DDX60: variants seen among roughly 807,000 people sequenced by gnomAD.
DDX60 encodes the protein probable ATP-dependent RNA helicase DDX60.
DDX60 carries 165 observed loss-of-function variants against 212.8 expected under a neutral mutation model. That is an observed-to-expected ratio of 0.78 (90% CI 0.68 to 0.88). The LOEUF (loss-of-function observed/expected upper bound fraction) is 0.88, where lower values mean the gene tolerates loss of function less well. Among genes scored for constraint, DDX60 ranks in the 40% least tolerant of loss-of-function variants. The pLI is 0.00. For missense variants in DDX60, 1,905 were observed against 2,003.9 expected (o/e 0.95, Z 0.94); for synonymous variants, 703 against 685.3 (o/e 1.03, Z -0.40).
At chr4:168,324,646 C>T in the DDX60 span, among the ~76,000 whole-genome samples, 2 of 152,220 alleles carry the variant, frequency 1.3e-5, no homozygotes, top group South Asian at 4.1e-4. Flanking sequence ...CTCATCTTGA[C>T]AGCATCAGAG....
chr4:168,319,020 G>T (rs767884056), upstream of DDX60, among the ~76,000 whole-genome samples: 14 of 152,158 alleles, frequency 9.2e-5, no homozygotes, highest in Non-Finnish European at 1.3e-4. Context: ...TAACAATAAT[G>T]CATATTTCAA....
chr4:168,277,557 G>A (rs1326355585), intron 14 of DDX60, among the ~76,000 whole-genome samples: 1 of 152,050 alleles, frequency 6.6e-6, no homozygotes, highest in Admixed American at 6.5e-5. Flanking sequence ...AAAATTCCAG[G>A]CCGGGCGCAG....
rs1733165970 is a variant in DDX60 at position 168,224,226 on chromosome 4, C to A, written c.4824+17G>T. ...TTCTTAAACAGCTTTTATTAATAAA[C>A]CCCACTCTTCACTTACATGGTTTGG... On this transcript the variant is annotated intron_variant, in intron 35 of 37. Transcript: ENST00000393743. 1 of 1,611,090 alleles carries A rather than the reference C, an allele frequency of 6.2e-7. No homozygotes were observed. The highest frequency in any genetic ancestry group is 1.3e-5 in the African/African-American group (1 of 74,772).
intron 24 of DDX60, among the ~76,000 whole-genome samples, 194 bp downstream of exon 24, chr4:168,261,806 A>T (rs927054350): frequency 5.3e-5 from 8 of 152,208 alleles, no homozygotes; most frequent in African/African-American, 1.9e-4. Context: ...GGTTCAGAAG[A>T]CACTGAGGAT....
At chr4:168,313,876 G>C (rs1018943944) in intron 1 of DDX60, among the ~76,000 whole-genome samples, 1 of 152,202 alleles carries the variant, frequency 6.6e-6, no homozygotes, top group Non-Finnish European at 1.5e-5. Flanking sequence ...GAATAATATA[G>C]TTTTTATAAT....
At chr4:168,245,111 A>G (rs1733978802) in intron 30 of DDX60, among the ~76,000 whole-genome samples, 1 of 152,228 alleles carries the variant, frequency 6.6e-6, no homozygotes, top group Non-Finnish European at 1.5e-5. Flanking sequence ...ATTTCACCGC[A>G]ATAAATAAAA....
chr4:168,237,532 T>A, intron 31 of DDX60, 105 bp from the exon 32 acceptor site: 3 of 1,237,762 alleles, frequency 2.4e-6, no homozygotes, highest in Non-Finnish European at 3.3e-6. Context: ...ATAAGAAATA[T>A]TTATAACTAT....
At chr4:168,277,822 GA>G (rs530939598) in intron 14 of DDX60, among the ~76,000 whole-genome samples, 10,083 of 118,714 alleles carry the variant, frequency 0.085, 413 homozygotes, top group East Asian at 0.16. Flanking sequence ...AAAAAAAAAA[GA>G]AAAAAAAAAA....
chr4:168,324,017 C>A, the DDX60 span, among the ~76,000 whole-genome samples: 1 of 152,198 alleles, frequency 6.6e-6, no homozygotes, highest in African/African-American at 2.4e-5. Flanking sequence ...ATCCCAGAGG[C>A]TCCCCAGGTA....
chr4:168,234,294 C>A (rs1275928801), intron 33 of DDX60, among the ~76,000 whole-genome samples: 1 of 151,986 alleles, frequency 6.6e-6, no homozygotes, highest in Non-Finnish European at 1.5e-5. Context: ...GAATACTCTT[C>A]AGCCATTTTT....
chr4:168,225,412 C>T, intron 34 of DDX60, 117 bp downstream of exon 34: 3 of 1,110,466 alleles, frequency 2.7e-6, no homozygotes, highest in Non-Finnish European at 3.8e-6. Context: ...AAGGAATCTC[C>T]TCACTTGAGG....
At chr4:168,292,052 T>TCC (rs1553970656) in intron 7 of DDX60, 146 bp from the exon 8 acceptor site, 73 of 404,380 alleles carry the variant, frequency 1.8e-4, no homozygotes, top group South Asian at 2.7e-4. Flanking sequence ...TTTCTTTCTT[T>TCC]TTTTTTTTTT....
intron 30 of DDX60, among the ~76,000 whole-genome samples, chr4:168,243,946 G>C (rs1733937066): frequency 6.6e-6 from 1 of 152,032 alleles, no homozygotes; most frequent in Non-Finnish European, 1.5e-5. Flanking sequence ...GAGATCATGT[G>C]CTTTGTTGGG....
At position 168,285,761 on chromosome 4, in the gene DDX60, G is replaced by A. The variant is rs1394121473; in HGVS notation, c.1340-263C>T. On this transcript the variant is annotated intron_variant, in intron 10 of 37. Coordinates refer to ENST00000393743, the MANE Select transcript of DDX60 (RefSeq NM_017631.6). ...GTGGGTGGATATGCATGGGGGATGG[G>A]TGGGTGAATGGATGCATGGATGGGT... is the stretch of plus-strand genomic sequence containing the variant. Among the ~76,000 whole-genome samples, 3 of 151,426 alleles carry A rather than the reference G, an allele frequency of 2.0e-5. No homozygotes were observed. The East Asian group carries it at 5.8e-4, about 29-fold the overall frequency.
chr4:168,228,079 CAT>C (rs979242350), intron 33 of DDX60, among the ~76,000 whole-genome samples: 44 of 152,216 alleles, frequency 2.9e-4, no homozygotes, highest in African/African-American at 1.0e-3. Flanking sequence ...ACCTAGATCA[CAT>C]TACCTAGGCT....
At chr4:168,267,474 G>T in intron 22 of DDX60, 108 bp downstream of exon 22, 1 of 469,122 alleles carries the variant, frequency 2.1e-6, no homozygotes, top group Non-Finnish European at 3.6e-6. Flanking sequence ...CTGTAATTCT[G>T]TAATTCTATT....
At chr4:168,285,999 A>G (rs1320536305) in intron 10 of DDX60, among the ~76,000 whole-genome samples, 2 of 127,214 alleles carry the variant, frequency 1.6e-5, no homozygotes, top group South Asian at 2.7e-4. Flanking sequence ...AGAAAGAAAG[A>G]AAGGAGGGAG....
chr4:168,262,748 G>A lies in DDX60; in HGVS notation c.3079C>T (p.Pro1027Ser), dbSNP rs1459680987. Residue 1027 changes from proline (P) to serine (S), a missense_variant, in exon 23 of 38, where the codon CCT (proline) becomes TCT (serine). Pro to Ser is a moderately conservative substitution (Grantham distance 74, BLOSUM62 -1). Transcript: ENST00000393743. ...TCATACAGCTGGATGCTTTCTCGAG[G>A]TGAAAGGGTAAGATCAGGAGGGAAT... ...YGFPPDLTLS[P>S]RESIQLYDAM... The A allele has an allele frequency of 1.9e-6, 3 of 1,612,412 alleles. No individual in the cohort carries two copies. Among genetic ancestry groups the A allele is most frequent in the South Asian group, 1.1e-5 (1 of 90,840 alleles).
rs776022628 is a variant in DDX60, at chr4:168,274,116, A to C, written c.2305-33T>G. ...GTGCAGAGTACCATTCATGTCAAGA[A>C]ACTGAACCGTATGTTACCAAAACAA... On this transcript the variant is annotated intron_variant, in intron 16 of 37. Transcript: ENST00000393743. The C allele has an allele frequency of 1.9e-6, 3 of 1,612,186 alleles. No homozygotes were observed. The African/African-American group carries it at 4.0e-5, about 22-fold the overall frequency.
Sources: gnomAD v4.1 joint callset for allele counts (sites outside exome capture counted in the v4.1 genomes callset) on GRCh38, gnomAD v4.1.1 for gene constraint, MANE v1.5 for transcripts, NCBI Gene and HGNC (gene_info 2026-07-23, HGNC 2026-07-21) for gene names.